POU6F2: variants seen among roughly 807,000 people sequenced by gnomAD.
POU6F2 encodes the protein POU class 6 homeobox 2.
A neutral mutation model predicts 71.3 loss-of-function variants in POU6F2; 31 were observed. That is an observed-to-expected ratio of 0.43 (90% CI 0.33 to 0.59). The LOEUF is 0.59. Ranked by LOEUF, POU6F2 falls within the 20% of genes least tolerant of loss-of-function variation. The pLI, the probability that POU6F2 is intolerant of heterozygous loss-of-function variation, is 0.04. For missense variants in POU6F2, 783 were observed against 856.8 expected (o/e 0.91, Z 1.07); for synonymous variants, 347 against 355.7 (o/e 0.98, Z 0.27).
chr7:39,465,520 T>C lies in POU6F2; in HGVS notation c.*834T>C, dbSNP rs1009492616. The C allele has an allele frequency of 2.0e-5, 3 of 152,178 alleles. No individual in the cohort carries two copies. The highest frequency in any genetic ancestry group is 7.2e-5 in the African/African-American group (3 of 41,430). The allele number at this position is 152,178 out of a possible 1,614,324, so 9.4% of individuals were successfully genotyped here. On this transcript the variant is annotated 3_prime_UTR_variant, in exon 10 of 10. Coordinates refer to ENST00000518318, the MANE Select transcript of POU6F2 (RefSeq NM_001370959.1). ...GTTGCTTTTTTCTCACTATGACTTG[T>C]GGGTTTGAGAAAAGAAAATGGAGCT...
intron 1 of POU6F2, among the ~76,000 whole-genome samples, chr7:39,043,525 C>A (rs1043390759): frequency 2.0e-5 from 3 of 151,850 alleles, no homozygotes; most frequent in African/African-American, 7.3e-5. Context: ...CATGTGTTGT[C>A]AATGGCTACA....
chr7:39,333,563 C>T (rs1029386308), intron 4 of POU6F2, among the ~76,000 whole-genome samples: 6 of 151,994 alleles, frequency 3.9e-5, no homozygotes, highest in African/African-American at 1.4e-4. Context: ...ATGGTGAAAC[C>T]CCATCTCTAC....
chr7:39,161,938 A>G (rs1584575697), intron 2 of POU6F2, among the ~76,000 whole-genome samples: 1 of 152,276 alleles, frequency 6.6e-6, no homozygotes, highest in Middle Eastern at 3.4e-3. Flanking sequence ...TTTCACCTGC[A>G]TGGTAGAGTA....
At chr7:39,414,889 T>C (rs909276294) in intron 6 of POU6F2, among the ~76,000 whole-genome samples, 1 of 152,014 alleles carries the variant, frequency 6.6e-6, no homozygotes, top group African/African-American at 2.4e-5. Context: ...CAGTGAGAAA[T>C]CTAGTTTGCA....
At chr7:39,250,788 TGG>T in intron 4 of POU6F2, among the ~76,000 whole-genome samples, 1 of 152,354 alleles carries the variant, frequency 6.6e-6, no homozygotes, top group South Asian at 2.1e-4. Flanking sequence ...TAAGTTGAAT[TGG>T]CCTGAGGGAA....
intron 8 of POU6F2, among the ~76,000 whole-genome samples, chr7:39,456,182 C>T (rs886380776): frequency 1.3e-5 from 2 of 152,156 alleles, no homozygotes; most frequent in African/African-American, 4.8e-5. Flanking sequence ...CTGGATCCAC[C>T]TTGTGAGAGA....
intron 1 of POU6F2, among the ~76,000 whole-genome samples, chr7:39,038,327 A>C (rs1030543238): frequency 2.0e-4 from 30 of 152,186 alleles, no homozygotes; most frequent in Admixed American, 1.9e-3. Flanking sequence ...TTTCAGGGGA[A>C]AATTAAGCTG....
At chr7:39,146,042 G>T (rs1328089721) in intron 2 of POU6F2, among the ~76,000 whole-genome samples, 1 of 152,208 alleles carries the variant, frequency 6.6e-6, no homozygotes, top group Non-Finnish European at 1.5e-5. Flanking sequence ...GGGATGAGCT[G>T]AACACTTCTC....
chr7:39,097,609 T>C (rs1374383076), intron 2 of POU6F2, among the ~76,000 whole-genome samples: 1 of 152,222 alleles, frequency 6.6e-6, no homozygotes, highest in Non-Finnish European at 1.5e-5. Context: ...GTTTTTTCTA[T>C]TCAATACAGT....
chr7:39,276,231 A>C (rs1420578501), intron 4 of POU6F2, among the ~76,000 whole-genome samples: 2 of 152,024 alleles, frequency 1.3e-5, no homozygotes, highest in African/African-American at 4.8e-5. Context: ...CCCATCAAAA[A>C]GTGGGCAAAG....
chr7:39,340,270 G>A (rs796193943), intron 5 of POU6F2, among the ~76,000 whole-genome samples: 25 of 152,316 alleles, frequency 1.6e-4, no homozygotes, highest in African/African-American at 6.0e-4. Flanking sequence ...TTCTGTGAGA[G>A]GCCAGCACTA....
chr7:39,450,618 A>G (rs1788636305), intron 7 of POU6F2, among the ~76,000 whole-genome samples: 1 of 152,186 alleles, frequency 6.6e-6, no homozygotes, highest in Admixed American at 6.5e-5. Context: ...TAGAGGAATC[A>G]TGAATAAATG....
intron 4 of POU6F2, among the ~76,000 whole-genome samples, chr7:39,263,952 C>A (rs183652830): frequency 6.6e-6 from 1 of 152,238 alleles, no homozygotes; most frequent in Admixed American, 6.5e-5. Flanking sequence ...GTCCTGAATT[C>A]TCTCAGTTCT....
chr7:39,257,407 C>T (rs1784045600), intron 4 of POU6F2, among the ~76,000 whole-genome samples: 1 of 151,904 alleles, frequency 6.6e-6, no homozygotes, highest in Non-Finnish European at 1.5e-5. Flanking sequence ...AAAAAATCTT[C>T]TTGTTACAGT....
intron 2 of POU6F2, among the ~76,000 whole-genome samples, chr7:39,128,227 T>C (rs531484034): frequency 6.6e-6 from 1 of 152,346 alleles, no homozygotes; most frequent in African/African-American, 2.4e-5. Flanking sequence ...TGTATATGTA[T>C]ATGCATACTT....
At chr7:39,229,198 G>A (rs1794527055) in intron 4 of POU6F2, among the ~76,000 whole-genome samples, 1 of 152,180 alleles carries the variant, frequency 6.6e-6, no homozygotes, top group Admixed American at 6.5e-5. Flanking sequence ...AATACATAAA[G>A]AGCTCAAGAA....
At chr7:39,158,384 T>A (rs1792917442) in intron 2 of POU6F2, among the ~76,000 whole-genome samples, 1 of 152,178 alleles carries the variant, frequency 6.6e-6, no homozygotes, top group Non-Finnish European at 1.5e-5. Flanking sequence ...AGATACAGTA[T>A]TAGGTTTTTC....
intron 6 of POU6F2, among the ~76,000 whole-genome samples, chr7:39,407,328 T>A (rs1353909546): frequency 6.6e-6 from 1 of 151,806 alleles, no homozygotes; most frequent in African/African-American, 2.4e-5. Flanking sequence ...AGGCAACCTC[T>A]GGCATGCTTG....
chr7:39,243,546 GAA>G (rs1053740811), intron 4 of POU6F2, among the ~76,000 whole-genome samples: 4 of 151,946 alleles, frequency 2.6e-5, no homozygotes, highest in African/African-American at 9.7e-5. Flanking sequence ...AGCAAACAAA[GAA>G]AAAATATAAC....
Sources: gnomAD v4.1 joint callset for allele counts (sites outside exome capture counted in the v4.1 genomes callset) on GRCh38, gnomAD v4.1.1 for gene constraint, MANE v1.5 for transcripts, NCBI Gene and HGNC (gene_info 2026-07-23, HGNC 2026-07-21) for gene names.